The following PPP2R5E variants were observed in gnomAD, a reference collection of about 807,000 sequenced individuals.
PPP2R5E encodes the protein protein phosphatase 2 regulatory subunit B'epsilon, also known as serine/threonine-protein phosphatase 2A 56 kDa regulatory subunit epsilon isoform.
Under a neutral mutation model 65.3 loss-of-function variants are expected in PPP2R5E, and 4 were observed. The observed-to-expected ratio is 0.06, with a 90% confidence interval of 0.03 to 0.14. The LOEUF (loss-of-function observed/expected upper bound fraction) is 0.14. Among genes scored for constraint, PPP2R5E ranks in the 10% least tolerant of loss-of-function variants. The pLI is 1.00. For synonymous variants in PPP2R5E, 183 were observed against 187.4 expected (o/e 0.98, Z 0.19); for missense variants, 274 against 556.1 (o/e 0.49, Z 5.10).
chr14:63,454,145 G>C, intron 2 of PPP2R5E, among the ~76,000 whole-genome samples: 1 of 152,096 alleles, frequency 6.6e-6, no homozygotes, highest in East Asian at 1.9e-4. Context: ...AATCCCAAAA[G>C]ACTTTAGAAG....
chr14:63,533,399 T>TA (rs1468076544), intron 2 of PPP2R5E, among the ~76,000 whole-genome samples: 3 of 151,316 alleles, frequency 2.0e-5, no homozygotes, highest in Admixed American at 6.6e-5. Context: ...CCATCTCTAC[T>TA]AAAAATACAA....
intron 2 of PPP2R5E, among the ~76,000 whole-genome samples, chr14:63,496,350 A>G (rs551465711): frequency 2.6e-4 from 39 of 151,998 alleles, no homozygotes; most frequent in African/African-American, 9.4e-4. Flanking sequence ...AGGCTGAGGC[A>G]CAAGAATCGC....
At chr14:63,439,742 C>A (rs1423174506) in intron 3 of PPP2R5E, among the ~76,000 whole-genome samples, 1 of 152,204 alleles carries the variant, frequency 6.6e-6, no homozygotes, top group Non-Finnish European at 1.5e-5. Context: ...AGGCTGTACA[C>A]ACATAAGTGC....
chr14:63,454,010 T>C (rs1594892225), intron 2 of PPP2R5E, 125 bp from the exon 3 acceptor site: 1 of 730,006 alleles, frequency 1.4e-6, no homozygotes, highest in Non-Finnish European at 2.0e-6. Context: ...CAGTGTTCTT[T>C]TTCACAGTTA....
chr14:63,384,308 A>T (rs190459521), intron 12 of PPP2R5E, 136 bp downstream of exon 12: 1 of 1,022,168 alleles, frequency 9.8e-7, no homozygotes, highest in East Asian at 2.4e-5. Flanking sequence ...CAGTCAGTGA[A>T]TCCCCAGAAG....
intron 3 of PPP2R5E, among the ~76,000 whole-genome samples, chr14:63,428,155 G>T (rs1019201455): frequency 1.3e-5 from 2 of 152,138 alleles, no homozygotes; most frequent in Non-Finnish European, 2.9e-5. Context: ...TGCCGGTTCA[G>T]ACCTCCAGCA....
chr14:63,420,652 C>T (rs1341118159), intron 4 of PPP2R5E, among the ~76,000 whole-genome samples: 9 of 152,160 alleles, frequency 5.9e-5, no homozygotes. Flanking sequence ...CAAAGCAGGA[C>T]AGACAGACTT....
intron 2 of PPP2R5E, chr14:63,508,220 A>G (rs923472182): frequency 8.7e-5 from 86 of 985,344 alleles, no homozygotes; most frequent in Non-Finnish European, 9.9e-5. Flanking sequence ...CTTTGGAGCC[A>G]CTATGCACAC....
At chr14:63,453,650 G>A in intron 3 of PPP2R5E, 39 bp downstream of exon 3, 1 of 1,584,774 alleles carries the variant, frequency 6.3e-7, no homozygotes, top group Non-Finnish European at 8.6e-7. Context: ...CACTATGGAA[G>A]ATGCTTAAAA....
intron 2 of PPP2R5E, among the ~76,000 whole-genome samples, chr14:63,469,817 T>A (rs1594910318): frequency 2.0e-5 from 3 of 152,320 alleles, no homozygotes; most frequent in African/African-American, 7.2e-5. Flanking sequence ...ATTAAAATCT[T>A]ACAAAATTCC....
intron 12 of PPP2R5E, among the ~76,000 whole-genome samples, chr14:63,382,945 T>G (rs1039920449): frequency 2.0e-5 from 3 of 152,170 alleles, no homozygotes; most frequent in African/African-American, 7.2e-5. Flanking sequence ...ATATAAATTA[T>G]TCTTATCCAA....
chr14:63,538,112 T>C (rs1893746706), intron 2 of PPP2R5E, among the ~76,000 whole-genome samples: 1 of 151,968 alleles, frequency 6.6e-6, no homozygotes, highest in African/African-American at 2.4e-5. Flanking sequence ...CAAAACTCCA[T>C]CTCTACAAAA....
At chr14:63,389,128 C>A (rs946093412) in intron 11 of PPP2R5E, among the ~76,000 whole-genome samples, 2 of 134,948 alleles carry the variant, frequency 1.5e-5, no homozygotes, top group African/African-American at 6.9e-5. Flanking sequence ...TTCTCCAAGC[C>A]TCATTTTTTT....
intron 2 of PPP2R5E, among the ~76,000 whole-genome samples, chr14:63,518,925 A>T (rs901260304): frequency 6.6e-6 from 1 of 152,186 alleles, no homozygotes; most frequent in Non-Finnish European, 1.5e-5. Context: ...AAAAAATAAA[A>T]AAAATAAAAG....
At chr14:63,399,267 C>T (rs111707083) in intron 5 of PPP2R5E, among the ~76,000 whole-genome samples, 3,431 of 148,476 alleles carry the variant, frequency 0.023, 53 homozygotes, top group Middle Eastern at 0.044. Flanking sequence ...GAAGGCCATA[C>T]AATGTATGAC....
In PPP2R5E at chr14:63,482,530, T is replaced by C. The variant is rs80239934; in HGVS notation, c.158-28645A>G. Among the ~76,000 whole-genome samples the C allele has an allele frequency of 7.7e-4, 117 of 152,260 alleles. 1 individual carries two copies. Among genetic ancestry groups the C allele is most frequent in the East Asian group, 6.6e-3 (34 of 5,186 alleles). ...GATTTTAGCCTCTATTTAGATGGTATTCTGAAAACATGACCTTTGGTGAAA... is the reference window on the plus strand; with the variant it reads ...GATTTTAGCCTCTATTTAGATGGTACTCTGAAAACATGACCTTTGGTGAAA... On this transcript the variant is annotated intron_variant, in intron 2 of 13. Coordinates refer to ENST00000337537, the MANE Select transcript of PPP2R5E (RefSeq NM_006246.5).
chr14:63,425,511 G>GA (rs1887284745), intron 3 of PPP2R5E, among the ~76,000 whole-genome samples: 2 of 152,112 alleles, frequency 1.3e-5, no homozygotes, highest in South Asian at 2.1e-4. Flanking sequence ...TGAAAGGGGG[G>GA]AAAAGGGGGC....
At chr14:63,410,675 C>T (rs1049079587) in intron 5 of PPP2R5E, among the ~76,000 whole-genome samples, 4 of 152,180 alleles carry the variant, frequency 2.6e-5, no homozygotes, top group Non-Finnish European at 2.9e-5. Context: ...AGGAAAAGGA[C>T]AGGAGGCCAA....
At chr14:63,377,582 C>A (rs912781757) in intron 13 of PPP2R5E, among the ~76,000 whole-genome samples, 1 of 152,206 alleles carries the variant, frequency 6.6e-6, no homozygotes, top group East Asian at 1.9e-4. Context: ...CATATGGGAG[C>A]ACAAACCAGT....
Sources: allele counts gnomAD v4.1 joint callset (sites outside exome capture counted in the v4.1 genomes callset), GRCh38; gene constraint gnomAD v4.1.1; transcripts MANE v1.5; gene names NCBI Gene and HGNC (gene_info 2026-07-23, HGNC 2026-07-21).